Variants in MAGI2 observed in about 807,000 individuals in gnomAD.
MAGI2 encodes membrane associated guanylate kinase, WW and PDZ domain containing 2.
Under a neutral mutation model 133.3 loss-of-function variants are expected in MAGI2, and 35 were observed. The observed-to-expected ratio is 0.26, with a 90% CI of 0.20 to 0.35. MAGI2 has a LOEUF of 0.35. Among genes scored for constraint, MAGI2 ranks in the 10% least tolerant of loss-of-function variants. MAGI2 has a pLI of 1.00. For missense variants in MAGI2, 1,636 were observed against 1,863.4 expected (o/e 0.88, Z 2.25); for synonymous variants, 729 against 710.6 (o/e 1.03, Z -0.41).
At chr7:79,003,368 A>T (rs899153603) in intron 2 of MAGI2, among the ~76,000 whole-genome samples, 2 of 152,178 alleles carry the variant, frequency 1.3e-5, no homozygotes, top group African/African-American at 4.8e-5. Context: ...TGTGAAAAAA[A>T]TTTATTTACT....
At chr7:78,043,204 C>T (rs1047595276) in intron 21 of MAGI2, among the ~76,000 whole-genome samples, 4 of 152,172 alleles carry the variant, frequency 2.6e-5, no homozygotes, top group Non-Finnish European at 5.9e-5. Flanking sequence ...ACTTTTCTTA[C>T]CTATAACACC....
chr7:79,175,895 A>G (rs1239811329), intron 1 of MAGI2, among the ~76,000 whole-genome samples: 1 of 151,930 alleles, frequency 6.6e-6, no homozygotes, highest in African/African-American at 2.4e-5. Flanking sequence ...GCATTTCCCT[A>G]GTCATTTTGT....
intron 10 of MAGI2, among the ~76,000 whole-genome samples, chr7:78,211,432 G>C (rs1274672630): frequency 6.6e-6 from 1 of 152,136 alleles, no homozygotes; most frequent in East Asian, 1.9e-4. Flanking sequence ...TCTAGTCCCA[G>C]CTCCACCTCT....
chr7:78,093,557 C>A (rs1028531351), intron 20 of MAGI2, among the ~76,000 whole-genome samples: 2 of 152,142 alleles, frequency 1.3e-5, no homozygotes, highest in African/African-American at 4.8e-5. Flanking sequence ...GATGTGAAGT[C>A]ACAAGAGCTG....
chr7:78,285,146 C>T (rs1376985422), intron 9 of MAGI2, among the ~76,000 whole-genome samples: 1 of 152,056 alleles, frequency 6.6e-6, no homozygotes. Context: ...GATTCACACA[C>T]ACAGATGCTT....
intron 1 of MAGI2, among the ~76,000 whole-genome samples, chr7:79,201,886 T>C (rs1037553991): frequency 2.6e-5 from 4 of 152,060 alleles, no homozygotes; most frequent in South Asian, 2.1e-4. Flanking sequence ...TAGTTAATGC[T>C]TTTATTATCT....
At chr7:78,519,640 T>G (rs1796329644) in intron 4 of MAGI2, among the ~76,000 whole-genome samples, 1 of 152,216 alleles carries the variant, frequency 6.6e-6, no homozygotes, top group Non-Finnish European at 1.5e-5. Context: ...AAGGTATGAA[T>G]AGAAGGAAAT....
chr7:78,454,624 T>C (rs1789106578), intron 6 of MAGI2, among the ~76,000 whole-genome samples: 1 of 152,164 alleles, frequency 6.6e-6, no homozygotes, highest in Non-Finnish European at 1.5e-5. Context: ...ATGTGAATGT[T>C]TGTAGCAACT....
chr7:78,779,197 C>T (rs1826213753), intron 2 of MAGI2, among the ~76,000 whole-genome samples: 1 of 152,094 alleles, frequency 6.6e-6, no homozygotes, highest in Non-Finnish European at 1.5e-5. Flanking sequence ...TAAGCCACCA[C>T]ACTGAGCCTT....
chr7:79,010,537 T>C (rs1036575960), intron 1 of MAGI2, among the ~76,000 whole-genome samples: 1 of 152,172 alleles, frequency 6.6e-6, no homozygotes, highest in African/African-American at 2.4e-5. Context: ...TTATTTTCCA[T>C]ACTTATAAAT....
At chr7:78,641,196 A>C (rs559882590) in intron 2 of MAGI2, among the ~76,000 whole-genome samples, 1 of 152,270 alleles carries the variant, frequency 6.6e-6, no homozygotes, top group South Asian at 2.1e-4. Context: ...TAAATTATAC[A>C]GTCTTGGGTA....
intron 2 of MAGI2, among the ~76,000 whole-genome samples, chr7:78,966,708 A>G (rs559993851): frequency 4.7e-4 from 71 of 152,188 alleles, no homozygotes; most frequent in African/African-American, 1.7e-3. Flanking sequence ...GATTGTTGGC[A>G]CATATGGTTG....
intron 2 of MAGI2, among the ~76,000 whole-genome samples, chr7:78,936,352 AC>A (rs1477547279): frequency 6.6e-6 from 1 of 152,004 alleles, no homozygotes; most frequent in African/African-American, 2.4e-5. Flanking sequence ...AGAATGGAAA[AC>A]AGACTTTCCT....
At chr7:78,041,972 C>T (rs1000500223) in intron 21 of MAGI2, among the ~76,000 whole-genome samples, 1 of 152,108 alleles carries the variant, frequency 6.6e-6, no homozygotes, top group African/African-American at 2.4e-5. Context: ...AGGGGTCTGC[C>T]GCATTGCGGA....
chr7:79,020,832 A>C (rs1809254994), intron 1 of MAGI2, among the ~76,000 whole-genome samples: 1 of 152,000 alleles, frequency 6.6e-6, no homozygotes, highest in Non-Finnish European at 1.5e-5. Flanking sequence ...CAATGGGGAA[A>C]AATGTCTCCA....
At chr7:78,258,997 G>A (rs988644378) in intron 9 of MAGI2, among the ~76,000 whole-genome samples, 5 of 152,198 alleles carry the variant, frequency 3.3e-5, no homozygotes, top group Non-Finnish European at 7.4e-5. Context: ...CTGATCGGTA[G>A]TGTGTTGAAA....
At chr7:78,671,474 C>G (rs1814384502) in intron 2 of MAGI2, among the ~76,000 whole-genome samples, 1 of 152,084 alleles carries the variant, frequency 6.6e-6, no homozygotes, top group African/African-American at 2.4e-5. Flanking sequence ...CCCCAAATTT[C>G]ATTTTGAAAA....
At chr7:78,292,145 C>T (rs568265318) in intron 9 of MAGI2, among the ~76,000 whole-genome samples, 39 of 152,230 alleles carry the variant, frequency 2.6e-4, no homozygotes, top group Non-Finnish European at 4.6e-4. Flanking sequence ...GTCAAATTGT[C>T]CCTGTTTGCA....
At chr7:79,252,275 C>T (rs1247654797) in intron 1 of MAGI2, among the ~76,000 whole-genome samples, 1 of 151,256 alleles carries the variant, frequency 6.6e-6, no homozygotes, top group Non-Finnish European at 1.5e-5. Flanking sequence ...TTTGCAACAA[C>T]GTGGATAGAT....
Sources: allele counts gnomAD v4.1 joint callset (sites outside exome capture counted in the v4.1 genomes callset), GRCh38; gene constraint gnomAD v4.1.1; transcripts MANE v1.5; gene names NCBI Gene and HGNC (gene_info 2026-07-23, HGNC 2026-07-21).